Variants in VPS54 observed in about 807,000 individuals in gnomAD.
The protein encoded by VPS54 is VPS54 subunit of GARP complex.
A neutral mutation model predicts 121.5 loss-of-function variants in VPS54; 45 were observed. The ratio of observed to expected loss-of-function variants is 0.37; its 90% CI spans 0.29 to 0.47. The LOEUF is 0.47. Among genes scored for constraint, VPS54 ranks in the 20% least tolerant of loss-of-function variants. VPS54 has a pLI of 0.99. For missense variants in VPS54, 1,090 were observed against 1,131.4 expected, an observed-to-expected ratio of 0.96 and a Z score of 0.52; for synonymous variants, 371 against 385.8, an observed-to-expected ratio of 0.96 and a Z score of 0.45.
At chr2:63,908,388 A>G (rs1357472555) in intron 20 of VPS54, among the ~76,000 whole-genome samples, 2 of 152,226 alleles carry the variant, frequency 1.3e-5, no homozygotes, top group African/African-American at 2.4e-5. Flanking sequence ...ATATCAGATC[A>G]GTAGCTTTCA....
chr2:63,957,606 C>G (rs978821633), intron 7 of VPS54, among the ~76,000 whole-genome samples: 2 of 152,078 alleles, frequency 1.3e-5, no homozygotes, highest in African/African-American at 4.8e-5. Context: ...AATTACCCTT[C>G]AAGTTCTGAA....
intron 20 of VPS54, among the ~76,000 whole-genome samples, chr2:63,911,891 T>C (rs1364573458): frequency 6.6e-6 from 1 of 152,210 alleles, no homozygotes; most frequent in African/African-American, 2.4e-5. Flanking sequence ...GATATTTTTC[T>C]GAAGATACTC....
At chr2:63,908,743 G>C (rs1262097941) in intron 20 of VPS54, among the ~76,000 whole-genome samples, 1 of 152,168 alleles carries the variant, frequency 6.6e-6, no homozygotes, top group Non-Finnish European at 1.5e-5. Context: ...GCTATAGTCA[G>C]ATACATGATA....
At chr2:63,968,325 TG>T (rs200023547) in intron 5 of VPS54, among the ~76,000 whole-genome samples, 2,004 of 151,656 alleles carry the variant, frequency 0.013, 58 homozygotes, top group African/African-American at 0.046. Flanking sequence ...GTTTCAGTGA[TG>T]AGAAAGAGAC....
intron 1 of VPS54, among the ~76,000 whole-genome samples, chr2:64,006,209 G>C (rs985271759): frequency 1.3e-5 from 2 of 152,152 alleles, no homozygotes; most frequent in African/African-American, 4.8e-5. Flanking sequence ...GAACGAATGA[G>C]CAAATGAATG....
At chr2:63,969,884 C>A (rs1221187928) in intron 4 of VPS54, among the ~76,000 whole-genome samples, 2 of 151,840 alleles carry the variant, frequency 1.3e-5, no homozygotes, top group African/African-American at 4.8e-5. Flanking sequence ...AAAGATCTAT[C>A]ATCCCATCCA....
chr2:63,940,582 T>A (rs1038566969), intron 11 of VPS54, among the ~76,000 whole-genome samples: 1 of 152,148 alleles, frequency 6.6e-6, no homozygotes, highest in Non-Finnish European at 1.5e-5. Context: ...TGAATAACAC[T>A]GTTTCCTTCA....
rs145938741 is a variant in VPS54 at position 63,962,367 on chromosome 2, G to A, written c.701C>T (p.Ala234Val). ...ISLRSEAFFH[A>V]MTSQHELQDY... ...CTGCAACTCGTGTTGAGAGGTCATT[G>A]CATGAAAAAATGCTTCTGAACGTAG... The change falls in exon 7 of 23, where the codon GCA (alanine) becomes GTA (valine). Residue 234 changes from alanine to valine, a missense_variant. This residue lies in a region of VPS54 where 801 missense variants were observed against 757.0 expected (regional missense o/e 1.06). Transcript: ENST00000272322. 118 of 1,613,746 alleles carry A rather than the reference G, an allele frequency of 7.3e-5. No homozygotes were observed. The highest frequency in any genetic ancestry group is 3.3e-4 in the Middle Eastern group (2 of 6,084).
chr2:64,000,533 A>C (rs1276805638), intron 1 of VPS54, among the ~76,000 whole-genome samples: 1 of 152,222 alleles, frequency 6.6e-6, no homozygotes, highest in East Asian at 1.9e-4. Flanking sequence ...CTTCCTGGGA[A>C]GGCTTTCCAG....
chr2:63,949,431 C>T (rs552323128), intron 7 of VPS54, among the ~76,000 whole-genome samples: 4 of 152,280 alleles, frequency 2.6e-5, no homozygotes, highest in African/African-American at 9.6e-5. Flanking sequence ...CTGTGTATAA[C>T]TTTTGACTCC....
chr2:63,960,417 GAATA>G (rs2104557084), intron 7 of VPS54, among the ~76,000 whole-genome samples: 1 of 152,028 alleles, frequency 6.6e-6, no homozygotes, highest in Admixed American at 6.5e-5. Context: ...AAACTACTGA[GAATA>G]AATAAATATC....
At chr2:63,965,717 G>GT in intron 6 of VPS54, 118 bp downstream of exon 6, 2 of 1,425,112 alleles carry the variant, frequency 1.4e-6, no homozygotes, top group African/African-American at 1.4e-5. Context: ...ATAGTTATCA[G>GT]TAAGAACAAA....
chr2:63,954,365 T>C (rs1559018566), intron 7 of VPS54, among the ~76,000 whole-genome samples: 1 of 152,182 alleles, frequency 6.6e-6, no homozygotes, highest in Non-Finnish European at 1.5e-5. Context: ...TCCATGTATT[T>C]ATAATATCTT....
chr2:63,927,958 A>G (rs1673992986), intron 12 of VPS54, among the ~76,000 whole-genome samples: 1 of 152,348 alleles, frequency 6.6e-6, no homozygotes, highest in African/African-American at 2.4e-5. Flanking sequence ...AGACAAGATT[A>G]GAGAAAAAAG....
chr2:63,914,138 A>G, intron 17 of VPS54, 44 bp downstream of exon 17: 1 of 1,480,466 alleles, frequency 6.8e-7, no homozygotes, highest in African/African-American at 1.4e-5. Flanking sequence ...TAATGTATTA[A>G]TTCCTCGAAA....
At chr2:63,939,147 G>C (rs990276702) in intron 11 of VPS54, among the ~76,000 whole-genome samples, 4 of 152,098 alleles carry the variant, frequency 2.6e-5, no homozygotes, top group Non-Finnish European at 5.9e-5. Context: ...GCCAAGGTGG[G>C]TGGATCACAA....
At chr2:64,010,312 G>GT (rs1002578364) in intron 1 of VPS54, among the ~76,000 whole-genome samples, 32 of 151,918 alleles carry the variant, frequency 2.1e-4, no homozygotes, top group African/African-American at 7.7e-4. Flanking sequence ...ACTGACTGCT[G>GT]TTTTTTTAAA....
chr2:63,913,335 C>A, intron 17 of VPS54, 25 bp from the exon 18 acceptor site: 2 of 1,569,954 alleles, frequency 1.3e-6, no homozygotes, highest in Non-Finnish European at 1.7e-6. Context: ...AGAAAAAAAC[C>A]CCAAAATTTA....
intron 11 of VPS54, among the ~76,000 whole-genome samples, chr2:63,940,257 TAAC>T (rs1304537781): frequency 7.2e-5 from 11 of 152,204 alleles, no homozygotes; most frequent in Non-Finnish European, 1.5e-4. Context: ...AGCTTGTAAT[TAAC>T]ATTATTTTTC....
Sources: allele counts gnomAD v4.1 joint callset (sites outside exome capture counted in the v4.1 genomes callset), GRCh38; gene constraint gnomAD v4.1.1; regional missense constraint gnomAD v4.1.1; transcripts MANE v1.5; gene names NCBI Gene and HGNC (gene_info 2026-07-23, HGNC 2026-07-21).